RPF1: variants seen among roughly 807,000 people sequenced by gnomAD.
The protein encoded by RPF1 is ribosome production factor 1 homolog.
In RPF1, 34 loss-of-function variants were observed where a neutral mutation model predicts 41.9. The observed-to-expected ratio is 0.81, with a 90% CI of 0.62 to 1.08. The LOEUF (loss-of-function observed/expected upper bound fraction) is 1.08. Among genes scored for constraint, RPF1 ranks in the 50% least tolerant of loss-of-function variants. RPF1 has a pLI of 0.00. For synonymous variants in RPF1, 140 were observed against 148.9 expected (o/e 0.94, Z 0.43); for missense variants, 425 against 435.2 (o/e 0.98, Z 0.21).
At chr1:84,495,846 G>A (rs1299454820) in intron 6 of RPF1, 36 bp from the exon 7 acceptor site, 5 of 1,373,076 alleles carry the variant, frequency 3.6e-6, no homozygotes, top group South Asian at 1.3e-5. Flanking sequence ...AATTAGCTTA[G>A]CCCATTGTGA....
At position 84,480,380 on chromosome 1, in the gene RPF1, G is replaced by A. The variant is rs180981137; in HGVS notation, c.229-576G>A. ...AAAAGAATATTTTTTATTTTGTCAA[G>A]CATTCTATCTAGAAATCTCCAGAAG... On this transcript the variant is annotated intron_variant, in intron 1 of 8. Transcript: ENST00000370654. Among the ~76,000 whole-genome samples the A allele has an allele frequency of 1.2e-4, 18 of 152,246 alleles. 1 individual carries two copies. In the East Asian group the frequency reaches 2.5e-3, roughly 21 times the overall value.
At chr1:84,484,889 G>T (rs1362251819) in intron 3 of RPF1, among the ~76,000 whole-genome samples, 1 of 152,004 alleles carries the variant, frequency 6.6e-6, no homozygotes, top group African/African-American at 2.4e-5. Flanking sequence ...GGCCAGGTTG[G>T]TCTCAAACTC....
rs761897072 is a variant in RPF1 at position 84,479,516 on chromosome 1, G to T, written c.228+7G>T. On this transcript the variant is annotated splice_region_variant and intron_variant, in intron 1 of 8. Transcript: ENST00000370654. ...GAAACAGCAGCAGCGGAAGGTACGC[G>T]AGAGGCGGGGGCTGCCGGGCGCTTG... The T allele has an allele frequency of 5.6e-6, 9 of 1,613,056 alleles. No homozygotes were observed. The highest frequency in any genetic ancestry group is 1.1e-5 in the South Asian group (1 of 91,004).
chr1:84,486,561 A>G (rs972752522), intron 3 of RPF1, among the ~76,000 whole-genome samples: 5 of 133,336 alleles, frequency 3.7e-5, no homozygotes, highest in Admixed American at 3.5e-4. Flanking sequence ...GCACTCCAGC[A>G]TGGGCGACAG....
intron 3 of RPF1, 27 bp from the exon 4 acceptor site, chr1:84,489,606 A>G (rs373407723): frequency 2.6e-5 from 35 of 1,333,064 alleles, no homozygotes; most frequent in Non-Finnish European, 3.7e-5. Context: ...TCTTTGATGT[A>G]AAATTATTCC....
At chr1:84,494,920 T>C (rs1383743200) in intron 5 of RPF1, among the ~76,000 whole-genome samples, 1 of 152,218 alleles carries the variant, frequency 6.6e-6, no homozygotes, top group African/African-American at 2.4e-5. Context: ...TTATTCAAAG[T>C]TGACAGCATA....
chr1:84,496,207 C>A, intron 7 of RPF1, 37 bp from the exon 8 acceptor site: 1 of 1,580,882 alleles, frequency 6.3e-7, no homozygotes, highest in Non-Finnish European at 8.6e-7. Context: ...TAAACAATAG[C>A]TCATTCAGAC....
intron 5 of RPF1, among the ~76,000 whole-genome samples, chr1:84,491,682 CA>C (rs1681837967): frequency 6.6e-6 from 1 of 152,112 alleles, no homozygotes; most frequent in Admixed American, 6.5e-5. Flanking sequence ...CACAAAGTGG[CA>C]AGGTCTGTTT....
intron 8 of RPF1, 104 bp downstream of exon 8, chr1:84,496,474 TAC>T: frequency 1.0e-6 from 1 of 973,496 alleles, no homozygotes; most frequent in Non-Finnish European, 1.5e-6. Context: ...CTGGGCTTAA[TAC>T]CTAGGTGATG....
chr1:84,488,130 C>T (rs879299280), intron 3 of RPF1, among the ~76,000 whole-genome samples: 2 of 152,036 alleles, frequency 1.3e-5, no homozygotes, highest in African/African-American at 4.8e-5. Flanking sequence ...CCCTAAATCC[C>T]CTCTCTTCAG....
At chr1:84,485,655 A>G (rs990625692) in intron 3 of RPF1, among the ~76,000 whole-genome samples, 2 of 152,146 alleles carry the variant, frequency 1.3e-5, no homozygotes, top group African/African-American at 4.8e-5. Context: ...ATTTTCTCAT[A>G]CTGGTTATGT....
intron 5 of RPF1, among the ~76,000 whole-genome samples, chr1:84,493,291 A>T (rs1001603840): frequency 5.9e-5 from 9 of 151,446 alleles, no homozygotes; most frequent in Non-Finnish European, 1.0e-4. Context: ...GATAGAATTC[A>T]AACGTTTGCT....
chr1:84,497,288 G>A (rs12077012), intron 8 of RPF1, 141 bp from the exon 9 acceptor site: 20,951 of 611,242 alleles, frequency 0.034, 548 homozygotes, highest in African/African-American at 0.091. Flanking sequence ...CTGACTATTC[G>A]GGGTCTCGCA....
At chr1:84,497,160 G>A (rs1210331160) in intron 8 of RPF1, among the ~76,000 whole-genome samples, 16 of 151,150 alleles carry the variant, frequency 1.1e-4, no homozygotes, top group South Asian at 6.3e-4. Context: ...GTGAGCCACC[G>A]TGCATGGCCT....
intron 3 of RPF1, among the ~76,000 whole-genome samples, chr1:84,484,335 CAGTT>C (rs1199382725): frequency 1.3e-5 from 2 of 151,672 alleles, no homozygotes; most frequent in Non-Finnish European, 2.9e-5. Flanking sequence ...TTTATGAGCA[CAGTT>C]AGCAAAATCA....
intron 3 of RPF1, among the ~76,000 whole-genome samples, chr1:84,488,669 T>A (rs1681776867): frequency 6.6e-6 from 1 of 152,164 alleles, no homozygotes; most frequent in Admixed American, 6.5e-5. Flanking sequence ...TCAACATTAA[T>A]ATTTGTGTCA....
chr1:84,490,178 C>G (rs1052491707), intron 4 of RPF1, 141 bp from the exon 5 acceptor site: 5 of 573,900 alleles, frequency 8.7e-6, no homozygotes, highest in Non-Finnish European at 1.2e-5. Context: ...AGAGGACACA[C>G]TGTTCGAGTT....
At position 84,498,050 on chromosome 1, in the gene RPF1, T is replaced by C. The variant is rs1257209598; in HGVS notation, c.*580T>C. On this transcript the variant is annotated 3_prime_UTR_variant, in exon 9 of 9. Coordinates refer to ENST00000370654, the MANE Select transcript of RPF1 (RefSeq NM_025065.7). Reference sequence around the variant, plus strand: ...TTGTGGGGAGCTCTTTTTTACCTCATTACATGGTGCTGTAGTACTCCATTC... The same window carrying C: ...TTGTGGGGAGCTCTTTTTTACCTCACTACATGGTGCTGTAGTACTCCATTC... Among the ~76,000 whole-genome samples the C allele has an allele frequency of 6.6e-6, 1 of 152,212 alleles. No individual in the cohort carries two copies. The highest frequency in any genetic ancestry group is 2.4e-5 in the African/African-American group (1 of 41,458).
intron 6 of RPF1, 133 bp from the exon 7 acceptor site, chr1:84,495,749 A>G (rs1244395475): frequency 3.3e-6 from 2 of 597,154 alleles, no homozygotes; most frequent in Non-Finnish European, 5.9e-6. Flanking sequence ...TTGATAAGCC[A>G]TCTGTGGTAG....
Sources: gnomAD v4.1 joint callset for allele counts (sites outside exome capture counted in the v4.1 genomes callset) on GRCh38, gnomAD v4.1.1 for gene constraint, MANE v1.5 for transcripts, NCBI Gene and HGNC (gene_info 2026-07-23, HGNC 2026-07-21) for gene names.